The following DNER variants were observed in gnomAD, a reference collection of about 807,000 sequenced individuals.
The protein encoded by DNER is delta and Notch-like epidermal growth factor-related receptor.
A neutral mutation model predicts 78.2 loss-of-function variants in DNER; 33 were observed. The ratio of observed to expected loss-of-function variants is 0.42; its 90% confidence interval spans 0.32 to 0.56. DNER has a LOEUF of 0.56. DNER is among the 20% of genes least tolerant of loss of function. The pLI is 0.11. For missense variants in DNER, 918 were observed against 975.3 expected (o/e 0.94, Z 0.78); for synonymous variants, 417 against 384.8 (o/e 1.08, Z -0.98).
At chr2:229,611,684 G>A (rs754988901) in intron 1 of DNER, among the ~76,000 whole-genome samples, 10 of 152,156 alleles carry the variant, frequency 6.6e-5, no homozygotes, top group Non-Finnish European at 1.3e-4. Context: ...TTTCACCTTC[G>A]CTTTACAGAG....
In DNER at chr2:229,413,321, C is replaced by CTTTTTTTTTTTTTTTTTTTTTTT. The variant is rs398061160; in HGVS notation, c.1609+4786_1609+4787insAAAAAAAAAAAAAAAAAAAAAAA. 2.8e-4 allele frequency among the ~76,000 whole-genome samples: 19 copies of CTTTTTTTTTTTTTTTTTTTTTTT among 67,780 alleles called. 3 individuals are homozygous for CTTTTTTTTTTTTTTTTTTTTTTT. The highest frequency in any genetic ancestry group is 8.8e-4 in the African/African-American group (18 of 20,344). 44.5% of individuals were successfully genotyped at this position (67,780 alleles called of 152,430 possible). A position where few individuals can be genotyped will look rare whatever the true frequency, so the allele number is the denominator to read the frequency against. On this transcript the variant is annotated intron_variant, in intron 9 of 12. Coordinates refer to ENST00000341772, the MANE Select transcript of DNER (RefSeq NM_139072.4). ...TGCTTTTCTTTTTCTTTTTCTTCTT[C>CTTTTTTTTTTTTTTTTTTTTTTT]TTTTTTTTTTTTTTTTTTTTTGACG...
intron 4 of DNER, among the ~76,000 whole-genome samples, chr2:229,572,519 A>G (rs1270615384): frequency 2.6e-5 from 4 of 151,996 alleles, no homozygotes; most frequent in Non-Finnish European, 2.9e-5. Context: ...TGGAGAATCC[A>G]AGTAAGGAAG....
At chr2:229,518,293 C>T (rs115308758) in intron 5 of DNER, among the ~76,000 whole-genome samples, 1,697 of 152,288 alleles carry the variant, frequency 0.011, 14 homozygotes, top group Middle Eastern at 0.038. Flanking sequence ...ATTCAACACA[C>T]GTTTTTTGAA....
intron 1 of DNER, among the ~76,000 whole-genome samples, chr2:229,609,584 T>C (rs1282461179): frequency 6.6e-6 from 1 of 152,018 alleles, no homozygotes; most frequent in Non-Finnish European, 1.5e-5. Flanking sequence ...CTCACAACGC[T>C]GAAAATATTA....
chr2:229,440,013 T>C (rs1314413357), intron 8 of DNER, among the ~76,000 whole-genome samples: 1 of 152,202 alleles, frequency 6.6e-6, no homozygotes, highest in African/African-American at 2.4e-5. Context: ...CAGAAATCCC[T>C]TACAATTAAA....
chr2:229,524,112 G>A (rs898086928), intron 5 of DNER, among the ~76,000 whole-genome samples: 19 of 152,326 alleles, frequency 1.2e-4, no homozygotes, highest in African/African-American at 2.9e-4. Flanking sequence ...CCGCCAGCTC[G>A]TAAATTGAAA....
chr2:229,388,042 G>A (rs207666), intron 11 of DNER, among the ~76,000 whole-genome samples: 106,562 of 151,784 alleles, frequency 0.7, 37,758 homozygotes, highest in East Asian at 0.9. Context: ...AGACTCAGGA[G>A]GGAGTGGGGG....
At chr2:229,541,149 T>C in intron 5 of DNER, among the ~76,000 whole-genome samples, 1 of 152,222 alleles carries the variant, frequency 6.6e-6, no homozygotes, top group Non-Finnish European at 1.5e-5. Flanking sequence ...TTCTGAGGCC[T>C]CTGTTTTCAG....
intron 8 of DNER, among the ~76,000 whole-genome samples, chr2:229,419,404 T>C (rs951097496): frequency 2.6e-5 from 4 of 152,216 alleles, no homozygotes. Flanking sequence ...GTGTTCGTTC[T>C]GAATTCAGAT....
chr2:229,609,353 GC>G (rs1410815255), intron 1 of DNER, among the ~76,000 whole-genome samples: 1 of 152,180 alleles, frequency 6.6e-6, no homozygotes, highest in Admixed American at 6.5e-5. Context: ...TGTCTGTACA[GC>G]CTATGAGGCA....
intron 8 of DNER, among the ~76,000 whole-genome samples, chr2:229,436,865 G>A (rs148958657): frequency 1.4e-3 from 220 of 152,282 alleles, no homozygotes; most frequent in African/African-American, 5.0e-3. Context: ...ATAAAGCAGT[G>A]ACACTATAAA....
intron 1 of DNER, among the ~76,000 whole-genome samples, chr2:229,685,051 C>T (rs1699461227): frequency 6.6e-6 from 1 of 152,130 alleles, no homozygotes; most frequent in South Asian, 2.1e-4. Context: ...CATTCTCAGG[C>T]ATGTTTTTAT....
At chr2:229,499,380 G>T (rs1204287015) in intron 6 of DNER, among the ~76,000 whole-genome samples, 1 of 149,800 alleles carries the variant, frequency 6.7e-6, no homozygotes, top group East Asian at 2.0e-4. Flanking sequence ...AGGAAGCAGA[G>T]GTCACAGTGA....
At chr2:229,586,948 C>T in intron 3 of DNER, 1 of 985,438 alleles carries the variant, frequency 1.0e-6, no homozygotes, top group Non-Finnish European at 1.2e-6. Context: ...GAGCTAGTAA[C>T]CCCCACAAGT....
chr2:229,385,947 C>T (rs985104717), intron 11 of DNER, among the ~76,000 whole-genome samples: 4 of 152,180 alleles, frequency 2.6e-5, no homozygotes, highest in Admixed American at 2.6e-4. Context: ...CACTGACTTT[C>T]TTCACAGAAT....
chr2:229,640,073 A>G (rs1397390713), intron 1 of DNER, among the ~76,000 whole-genome samples: 1 of 152,222 alleles, frequency 6.6e-6, no homozygotes, highest in Non-Finnish European at 1.5e-5. Context: ...TTCTTTTCAC[A>G]GCTTACAGGA....
At chr2:229,655,280 A>G (rs1353127066) in intron 1 of DNER, among the ~76,000 whole-genome samples, 1 of 152,162 alleles carries the variant, frequency 6.6e-6, no homozygotes, top group Non-Finnish European at 1.5e-5. Flanking sequence ...TTTTAAGTTA[A>G]AAAATAAAGA....
chr2:229,444,658 G>T (rs1432783693), intron 8 of DNER, among the ~76,000 whole-genome samples: 1 of 152,182 alleles, frequency 6.6e-6, no homozygotes. Flanking sequence ...GGAGGCCGAG[G>T]CAGGCAGATA....
intron 9 of DNER, 130 bp downstream of exon 9, chr2:229,417,978 T>G: frequency 1.4e-6 from 2 of 1,464,618 alleles, no homozygotes; most frequent in African/African-American, 1.4e-5. Context: ...CGATTAATCA[T>G]GCCAGCTTCA....
Sources: allele counts gnomAD v4.1 joint callset (sites outside exome capture counted in the v4.1 genomes callset), GRCh38; gene constraint gnomAD v4.1.1; transcripts MANE v1.5; gene names NCBI Gene and HGNC (gene_info 2026-07-23, HGNC 2026-07-21).